The following MYO5B variants were observed in gnomAD, a reference collection of about 807,000 sequenced individuals.
MYO5B encodes the protein unconventional myosin-Vb.
Under a neutral mutation model 229.3 loss-of-function variants are expected in MYO5B, and 143 were observed. The observed-to-expected ratio is 0.62, with a 90% confidence interval of 0.54 to 0.72. The LOEUF (loss-of-function observed/expected upper bound fraction) is 0.72. Among genes scored for constraint, MYO5B ranks in the 30% least tolerant of loss-of-function variants. The pLI is 0.00. For synonymous variants in MYO5B, 918 were observed against 885.2 expected (o/e 1.04, Z -0.66); for missense variants, 2,321 against 2,331.0 (o/e 1.00, Z 0.09).
In MYO5B at chr18:49,877,130, C is replaced by T. The variant is rs552267075; in HGVS notation, c.3396+633G>A. On this transcript the variant is annotated intron_variant, in intron 25 of 39. Transcript: ENST00000285039. ...TTACAAGGTTCTGTGTGTACGTGCG[C>T]GCACACACACGCGCGCATGTGCCTG... Among the ~76,000 whole-genome samples, 367 of 152,250 alleles carry T rather than the reference C, an allele frequency of 2.4e-3. 1 individual carries two copies. The highest frequency in any genetic ancestry group is 8.2e-3 in the African/African-American group (342 of 41,558).
At chr18:49,989,293 G>A (rs1217061331) in intron 7 of MYO5B, among the ~76,000 whole-genome samples, 2 of 152,214 alleles carry the variant, frequency 1.3e-5, no homozygotes, top group Non-Finnish European at 2.9e-5. Flanking sequence ...TGGGAGCACA[G>A]ATGGGTCTGG....
chr18:49,984,923 A>G (rs2025855398), intron 7 of MYO5B, 98 bp from the exon 8 acceptor site: 3 of 879,472 alleles, frequency 3.4e-6, no homozygotes, highest in Non-Finnish European at 5.7e-6. Flanking sequence ...ATGCTATCCC[A>G]GACTAAATTT....
At chr18:50,025,089 T>A (rs373138039) in intron 4 of MYO5B, among the ~76,000 whole-genome samples, 58 of 152,202 alleles carry the variant, frequency 3.8e-4, no homozygotes, top group African/African-American at 1.4e-3. Context: ...AGAGACCCTG[T>A]TACAAGACTA....
chr18:50,095,845 G>T (rs1013236693), intron 1 of MYO5B, among the ~76,000 whole-genome samples: 20 of 152,182 alleles, frequency 1.3e-4, no homozygotes, highest in African/African-American at 4.8e-4. Flanking sequence ...AGCTTCTACA[G>T]GAACCACCTT....
intron 14 of MYO5B, among the ~76,000 whole-genome samples, chr18:49,938,654 T>C (rs1223939665): frequency 6.6e-6 from 1 of 152,108 alleles, no homozygotes; most frequent in Non-Finnish European, 1.5e-5. Flanking sequence ...TAGTCTAGTG[T>C]CTGAGGACTC....
At chr18:50,150,555 T>C (rs868257203) in intron 1 of MYO5B, among the ~76,000 whole-genome samples, 5 of 149,600 alleles carry the variant, frequency 3.3e-5, no homozygotes, top group South Asian at 4.3e-4. Context: ...AAATTGGAAA[T>C]CATCATTCTC....
At chr18:50,192,215 A>C (rs1413349464) in intron 1 of MYO5B, among the ~76,000 whole-genome samples, 1 of 152,228 alleles carries the variant, frequency 6.6e-6, no homozygotes. Flanking sequence ...CAAAGTTCGC[A>C]CTTGATGGAT....
chr18:49,843,864 A>C (rs1392699128), intron 33 of MYO5B, among the ~76,000 whole-genome samples: 1 of 152,226 alleles, frequency 6.6e-6, no homozygotes, highest in East Asian at 1.9e-4. Flanking sequence ...GTATGTGCCC[A>C]AAGACAGGGC....
chr18:49,837,868 A>T lies in MYO5B; in HGVS notation c.4853-66T>A, dbSNP rs1244856535. 22 of 1,578,484 alleles carry T rather than the reference A, an allele frequency of 1.4e-5. No individual in the cohort carries two copies. The Admixed American group carries it at 3.7e-4, about 26-fold the overall frequency. The stretch of plus-strand genomic sequence containing the variant: ...TAACAATGCAAAGATTGGACCACTC[A>T]AATCATTTAGTGCTCCGGGCTTTAG... On this transcript the variant is annotated intron_variant, in intron 36 of 39. Coordinates refer to ENST00000285039, the MANE Select transcript of MYO5B (RefSeq NM_001080467.3).
At chr18:49,911,985 T>A in intron 18 of MYO5B, 77 bp downstream of exon 18, 1 of 1,057,742 alleles carries the variant, frequency 9.5e-7, no homozygotes, top group Non-Finnish European at 1.5e-6. Context: ...AAAAAAAAAA[T>A]GTAGATAACG....
chr18:49,869,249 T>C (rs563874430), intron 27 of MYO5B, among the ~76,000 whole-genome samples: 1 of 152,298 alleles, frequency 6.6e-6, no homozygotes, highest in South Asian at 2.1e-4. Flanking sequence ...GTGTTCTGCC[T>C]AAAAGCCCAA....
intron 3 of MYO5B, among the ~76,000 whole-genome samples, 172 bp downstream of exon 3, chr18:50,039,971 G>A (rs932488566): frequency 2.0e-5 from 3 of 152,092 alleles, no homozygotes; most frequent in Non-Finnish European, 4.4e-5. Context: ...CACAGAGACT[G>A]GGGCAGCCTA....
Position 50,040,320 on chromosome 18 carries a change from G to C in MYO5B, c.139-6C>G, listed in dbSNP as rs755168005. The stretch of plus-strand genomic sequence containing the variant: ...TCAATTGGGTATTCCAGAATCTAAA[G>C]ACATGCAAGTAGCAGACACAAAAAG... On this transcript the variant is annotated splice_polypyrimidine_tract_variant and splice_region_variant and intron_variant, in intron 2 of 39. Coordinates refer to ENST00000285039, the MANE Select transcript of MYO5B (RefSeq NM_001080467.3). 5 of 1,613,898 alleles carry C rather than the reference G, an allele frequency of 3.1e-6. No individual in the cohort carries two copies. In the South Asian group the frequency reaches 5.5e-5, roughly 18 times the overall value.
At chr18:50,103,483 C>G (rs2031694208) in intron 1 of MYO5B, among the ~76,000 whole-genome samples, 1 of 152,144 alleles carries the variant, frequency 6.6e-6, no homozygotes, top group South Asian at 2.1e-4. Flanking sequence ...GGTATGTGGG[C>G]TCATGCCTGT....
chr18:50,032,744 G>C (rs1274838933), intron 4 of MYO5B, among the ~76,000 whole-genome samples: 2 of 152,190 alleles, frequency 1.3e-5, no homozygotes. Flanking sequence ...CCAGCACTTT[G>C]GGAGGCCAAG....
chr18:50,055,196 C>T (rs1039081691), intron 2 of MYO5B, 72 bp downstream of exon 2: 11 of 1,016,196 alleles, frequency 1.1e-5, no homozygotes, highest in Non-Finnish European at 1.7e-5. Flanking sequence ...GTACTATCTA[C>T]TCCTGTTCCT....
chr18:50,026,432 C>A (rs72913861), intron 4 of MYO5B, among the ~76,000 whole-genome samples: 16,809 of 152,232 alleles, frequency 0.11, 1,201 homozygotes, highest in Non-Finnish European at 0.16. Context: ...ATAATAAATG[C>A]ATAAGCATAG....
intron 4 of MYO5B, among the ~76,000 whole-genome samples, chr18:50,008,278 T>A (rs922981727): frequency 2.0e-5 from 3 of 152,288 alleles, no homozygotes; most frequent in African/African-American, 7.2e-5. Context: ...ATTTTCCTCA[T>A]CCACTTAGTG....
intron 13 of MYO5B, among the ~76,000 whole-genome samples, 199 bp downstream of exon 13, chr18:49,954,114 C>A (rs1399514331): frequency 1.3e-5 from 2 of 150,740 alleles, no homozygotes; most frequent in African/African-American, 2.4e-5. Flanking sequence ...ATAGTACCCC[C>A]TGTGAAGTTA....
Sources: allele counts gnomAD v4.1 joint callset (sites outside exome capture counted in the v4.1 genomes callset), GRCh38; gene constraint gnomAD v4.1.1; transcripts MANE v1.5; gene names NCBI Gene and HGNC (gene_info 2026-07-23, HGNC 2026-07-21).